TPP2: variants seen among roughly 807,000 people sequenced by gnomAD.
TPP2 encodes the protein tripeptidyl peptidase 2.
A neutral mutation model predicts 155.9 loss-of-function variants in TPP2; 34 were observed. The ratio of observed to expected loss-of-function variants is 0.22; its 90% CI spans 0.17 to 0.29. The LOEUF (loss-of-function observed/expected upper bound fraction) is 0.29, where lower values mean the gene tolerates loss of function less well. TPP2 is among the 10% of genes least tolerant of loss of function. TPP2 has a pLI of 1.00. For synonymous variants in TPP2, 510 were observed against 529.4 expected, an observed-to-expected ratio of 0.96 and a Z score of 0.50; for missense variants, 1,028 against 1,522.3, an observed-to-expected ratio of 0.68 and a Z score of 5.40.
chr13:102,645,683 A>G (rs969086230), intron 19 of TPP2, among the ~76,000 whole-genome samples: 1 of 152,200 alleles, frequency 6.6e-6, no homozygotes, highest in African/African-American at 2.4e-5. Flanking sequence ...TTTTCTTCCT[A>G]AATCTAAAAA....
In TPP2 at chr13:102,638,192, T is replaced by C. The variant is rs367700215; in HGVS notation, c.1837-47T>C. 1.1e-4 allele frequency: 178 copies of C among 1,560,082 alleles called. No homozygotes were observed. The African/African-American group carries it at 2.2e-3, about 20-fold the overall frequency. The stretch of plus-strand genomic sequence containing the variant: ...TAGTTTAGACCTTCCCCCGCTCTTT[T>C]AAACATTTGTTTATGGATATTGACA... On this transcript the variant is annotated intron_variant, in intron 14 of 29. Transcript: ENST00000376052.
At chr13:102,654,359 T>C (rs1883705457) in intron 24 of TPP2, among the ~76,000 whole-genome samples, 1 of 152,238 alleles carries the variant, frequency 6.6e-6, no homozygotes, top group South Asian at 2.1e-4. Flanking sequence ...CCTTGATTTT[T>C]GTTTCACTAA....
intron 10 of TPP2, 84 bp downstream of exon 10, chr13:102,630,279 T>C: frequency 9.8e-7 from 1 of 1,021,554 alleles, no homozygotes; most frequent in Non-Finnish European, 1.4e-6. Context: ...TAGATAAGTT[T>C]GCTAGTTTTT....
intron 12 of TPP2, 95 bp downstream of exon 12, chr13:102,635,797 A>G: frequency 1.1e-6 from 1 of 931,174 alleles, no homozygotes; most frequent in Admixed American, 2.2e-5. Context: ...ACAGTGATTC[A>G]GTATATCTGA....
At chr13:102,602,449 C>A (rs1237583945) in intron 1 of TPP2, among the ~76,000 whole-genome samples, 45 of 151,596 alleles carry the variant, frequency 3.0e-4, no homozygotes, top group Admixed American at 3.0e-3. Flanking sequence ...AGGACAGTTC[C>A]CAAGAAGTAA....
At chr13:102,617,057 T>G (rs1233373756) in intron 4 of TPP2, among the ~76,000 whole-genome samples, 1 of 151,366 alleles carries the variant, frequency 6.6e-6, no homozygotes, top group Non-Finnish European at 1.5e-5. Flanking sequence ...TACAGGCACG[T>G]GCCACCACAC....
At chr13:102,640,688 G>C (rs1055710396) in intron 16 of TPP2, among the ~76,000 whole-genome samples, 9 of 111,846 alleles carry the variant, frequency 8.0e-5, no homozygotes, top group Non-Finnish European at 1.3e-4. Flanking sequence ...GTCTCACTCT[G>C]TCGCCAGGCT....
chr13:102,623,071 T>G (rs762070754), intron 6 of TPP2, 31 bp downstream of exon 6: 1 of 1,597,790 alleles, frequency 6.3e-7, no homozygotes, highest in South Asian at 1.1e-5. Flanking sequence ...CAATGAGATA[T>G]AGATTTATGA....
At chr13:102,646,477 G>A (rs981598025) in intron 20 of TPP2, 87 bp downstream of exon 20, 2 of 853,804 alleles carry the variant, frequency 2.3e-6, no homozygotes, top group African/African-American at 1.8e-5. Flanking sequence ...GAAGGACAGT[G>A]TATATGGTAT....
At chr13:102,672,993 G>A (rs1885074707) in intron 27 of TPP2, among the ~76,000 whole-genome samples, 1 of 152,180 alleles carries the variant, frequency 6.6e-6, no homozygotes, top group Non-Finnish European at 1.5e-5. Flanking sequence ...TGCCCTCTTT[G>A]ATGAACTCTG....
intron 2 of TPP2, chr13:102,607,958 A>G (rs1037899430): frequency 6.1e-6 from 1 of 163,292 alleles, no homozygotes; most frequent in Non-Finnish European, 1.3e-5. Flanking sequence ...TAATATCACT[A>G]GTGTTCAAAG....
At chr13:102,664,047 A>G (rs1276943863) in intron 26 of TPP2, among the ~76,000 whole-genome samples, 1 of 152,232 alleles carries the variant, frequency 6.6e-6, no homozygotes, top group Admixed American at 6.5e-5. Context: ...TCCTGGCCAG[A>G]TGGAAATCTG....
chr13:102,663,534 A>G (rs972765196), intron 25 of TPP2, 114 bp from the exon 26 acceptor site: 10 of 685,914 alleles, frequency 1.5e-5, no homozygotes, highest in African/African-American at 9.4e-5. Flanking sequence ...TTGTATTTCA[A>G]ATTAATGTCT....
At chr13:102,665,141 T>C in intron 27 of TPP2, among the ~76,000 whole-genome samples, 1 of 152,214 alleles carries the variant, frequency 6.6e-6, no homozygotes, top group East Asian at 1.9e-4. Context: ...GTTTGCCTTC[T>C]CTACTGTTAA....
chr13:102,645,773 T>C lies in TPP2; in HGVS notation c.2394-521T>C, dbSNP rs567052720. On this transcript the variant is annotated intron_variant, in intron 19 of 29. Transcript: ENST00000376052. The stretch of plus-strand genomic sequence containing the variant: ...AAAACTTACTCTTCAGTGTCAGTTT[T>C]CTCCTTTATAAAATCTGTACATTAG... Among the ~76,000 whole-genome samples the C allele has an allele frequency of 5.9e-5, 9 of 152,358 alleles. No homozygotes were observed. The East Asian group carries it at 1.5e-3, about 26-fold the overall frequency.
rs1306955816 is a variant in TPP2 at position 102,655,749 on chromosome 13, G to A, written c.2992-1307G>A. On this transcript the variant is annotated intron_variant, in intron 24 of 29. Coordinates refer to ENST00000376052, the MANE Select transcript of TPP2 (RefSeq NM_001330588.2). ...CTGTCCCCTGACACTGTTCTTGTCCGGGGGGGTCAGTAGGCTCTGTGCTGC... is the reference window on the plus strand; with the variant it reads ...CTGTCCCCTGACACTGTTCTTGTCCAGGGGGGTCAGTAGGCTCTGTGCTGC... Among the ~76,000 whole-genome samples the A allele has an allele frequency of 5.3e-5, 8 of 151,734 alleles. 1 individual carries two copies. Among genetic ancestry groups the A allele is most frequent in the South Asian group, 4.2e-4 (2 of 4,808 alleles).
At chr13:102,648,035 T>C (rs1442441020) in intron 21 of TPP2, among the ~76,000 whole-genome samples, 1 of 152,218 alleles carries the variant, frequency 6.6e-6, no homozygotes, top group African/African-American at 2.4e-5. Context: ...CACATCTCAT[T>C]ACAGACTGGC....
chr13:102,651,879 A>G (rs1057235864), intron 24 of TPP2, among the ~76,000 whole-genome samples: 3 of 152,174 alleles, frequency 2.0e-5, no homozygotes, highest in African/African-American at 7.2e-5. Flanking sequence ...TCTGGTTCTG[A>G]AAGAAGAGAA....
At chr13:102,670,177 G>GT (rs1041614490) in intron 27 of TPP2, among the ~76,000 whole-genome samples, 6 of 151,688 alleles carry the variant, frequency 4.0e-5, no homozygotes, top group East Asian at 1.9e-4. Flanking sequence ...TGGGTGGGGG[G>GT]GTGTGGCGGT....
Sources: allele counts gnomAD v4.1 joint callset (sites outside exome capture counted in the v4.1 genomes callset), GRCh38; gene constraint gnomAD v4.1.1; transcripts MANE v1.5; gene names NCBI Gene and HGNC (gene_info 2026-07-23, HGNC 2026-07-21).